The following ARRDC2 variants were observed in gnomAD, a reference collection of about 807,000 sequenced individuals.
ARRDC2 encodes the protein arrestin domain-containing protein 2.
In ARRDC2, 39 loss-of-function variants were observed where a neutral mutation model predicts 38.9. That is an observed-to-expected ratio of 1.00 (90% confidence interval 0.78 to 1.31). The LOEUF is 1.31. Ranked by LOEUF, ARRDC2 falls within the 50% of genes most tolerant of loss-of-function variation. The probability of loss-of-function intolerance (pLI) is 0.00; values close to 1 mark genes in which losing one functional copy is unlikely to be tolerated. For missense variants in ARRDC2, 553 were observed against 588.4 expected (o/e 0.94, Z 0.62); for synonymous variants, 300 against 261.9 (o/e 1.15, Z -1.41).
intron 6 of ARRDC2, 56 bp from the exon 7 acceptor site, chr19:18,010,516 C>A: frequency 1.3e-6 from 2 of 1,592,904 alleles, no homozygotes; most frequent in South Asian, 2.2e-5. Context: ...GGCCCCTGGT[C>A]CCTTGGAGCA....
chr19:18,005,490 T>C (rs1226871671), upstream of ARRDC2, among the ~76,000 whole-genome samples: 3 of 152,228 alleles, frequency 2.0e-5, no homozygotes, highest in Admixed American at 1.3e-4. Context: ...TGGCCCGTTC[T>C]CAATGAGCTG....
At chr19:18,005,772 C>A (rs2145998120), upstream of ARRDC2, among the ~76,000 whole-genome samples, 1 of 151,754 alleles carries the variant, frequency 6.6e-6, no homozygotes, top group East Asian at 2.0e-4. Flanking sequence ...GGGGCTGACC[C>A]CCCACCTCCC....
upstream of ARRDC2, among the ~76,000 whole-genome samples, chr19:18,005,481 G>A (rs1238739684): frequency 2.6e-5 from 4 of 152,230 alleles, no homozygotes; most frequent in African/African-American, 9.6e-5. Flanking sequence ...TTGTCATCAT[G>A]GCCCGTTCTC....
chr19:18,012,108 C>T (rs1168005139), intron 7 of ARRDC2, among the ~76,000 whole-genome samples: 1 of 150,840 alleles, frequency 6.6e-6, no homozygotes, highest in African/African-American at 2.4e-5. Context: ...CAGGCATCCA[C>T]CACCATGCCC....
upstream of ARRDC2, among the ~76,000 whole-genome samples, chr19:18,004,064 T>C (rs948151793): frequency 1.4e-5 from 2 of 147,368 alleles, no homozygotes; most frequent in Non-Finnish European, 3.0e-5. Context: ...TGAGCCACCA[T>C]GCCCGGCCCC....
chr19:18,001,526 A>G (rs1333966370), exon 1 of ARRDC2: 2 of 1,389,388 alleles, frequency 1.4e-6, no homozygotes, highest in South Asian at 1.5e-5. Flanking sequence ...TCCAGCGACT[A>G]CGCGGCCGCG....
chr19:18,010,093 C>T, intron 5 of ARRDC2, 54 bp downstream of exon 5: 1 of 1,605,168 alleles, frequency 6.2e-7, no homozygotes, highest in African/African-American at 1.3e-5. Context: ...CCTGTATTCC[C>T]TCAGACTGGG....
chr19:18,005,673 ACC>A (rs1227495855), upstream of ARRDC2, among the ~76,000 whole-genome samples: 62 of 143,994 alleles, frequency 4.3e-4, no homozygotes, highest in Admixed American at 6.1e-4. Context: ...CAGGGGGCTG[ACC>A]CCCCCACCTC....
At chr19:18,006,778 C>T (rs758480858), upstream of ARRDC2, among the ~76,000 whole-genome samples, 1 of 152,226 alleles carries the variant, frequency 6.6e-6, no homozygotes, top group African/African-American at 2.4e-5. Flanking sequence ...CTTTGGGGTC[C>T]GTCTGCGAAA....
At chr19:18,007,848 T>G (rs2033310276), upstream of ARRDC2, 5 of 207,218 alleles carry the variant, frequency 2.4e-5, no homozygotes, top group South Asian at 6.2e-5. Context: ...GGCTGGTGAG[T>G]GATTAAGCCG....
chr19:18,011,842 C>T (rs933632399), intron 7 of ARRDC2, among the ~76,000 whole-genome samples: 2 of 147,342 alleles, frequency 1.4e-5, no homozygotes, highest in Non-Finnish European at 3.0e-5. Context: ...GTCTGGGAGA[C>T]AAAACAAGAC....
Position 18,009,981 on chromosome 19 carries a change from C to T in ARRDC2, c.791C>T (p.Pro264Leu), listed in dbSNP as rs749791386. ...TGGCAGGGCCGGGCACTGCGGATCC[C>T]CCCAGTGGGTCCTTCCATCCTGCAC... ...ALWQGRALRI[P>L]PVGPSILHCR... The change falls in exon 5 of 8, where the codon CCC becomes CTC. Residue 264 changes from proline (P) to leucine (L), a missense_variant. Physicochemically the swap from Pro to Leu is moderately conservative, Grantham distance 98. Transcript: ENST00000222250. 44 of 1,602,866 alleles carry T rather than the reference C, an allele frequency of 2.7e-5. No homozygotes were observed. The highest frequency in any genetic ancestry group is 3.6e-5 in the Non-Finnish European group (43 of 1,179,734).
upstream of ARRDC2, chr19:18,008,131 G>A (rs867064878): frequency 4.1e-6 from 2 of 488,448 alleles, no homozygotes; most frequent in Non-Finnish European, 5.3e-6. Flanking sequence ...ACCCCCCCCC[G>A]CCCTGCCGTA....
upstream of ARRDC2, among the ~76,000 whole-genome samples, chr19:18,005,940 T>C (rs1163626170): frequency 6.7e-6 from 1 of 148,838 alleles, no homozygotes; most frequent in East Asian, 2.0e-4. Flanking sequence ...GCTCCTCACC[T>C]CCCAGACGGG....
In ARRDC2 at chr19:18,009,100, C is replaced by T; in HGVS notation, c.471C>T (p.Ile157=). The T allele has an allele frequency of 6.2e-7, 1 of 1,613,630 alleles. No individual in the cohort carries two copies. Among genetic ancestry groups the T allele is most frequent in the Non-Finnish European group, 8.5e-7 (1 of 1,179,974 alleles). The change falls in exon 3 of 8, where the codon ATC becomes ATT. Residue 157 remains isoleucine, a synonymous_variant. Transcript: ENST00000222250. ...KVFTVIEPVD[I]NTPALLAPQA... Reference sequence around the variant, plus strand: ...TCACTGTCATCGAGCCTGTGGACATCAACACGCCAGCCCTGCTGGTGAGTG... The same window carrying T: ...TCACTGTCATCGAGCCTGTGGACATTAACACGCCAGCCCTGCTGGTGAGTG...
chr19:18,005,368 G>A (rs1568465469), upstream of ARRDC2, among the ~76,000 whole-genome samples: 1 of 152,050 alleles, frequency 6.6e-6, no homozygotes. Flanking sequence ...AGAACAAAAT[G>A]AAAAGTCTCC....
At chr19:18,012,764 C>T (rs962478741) in intron 7 of ARRDC2, 149 bp from the exon 8 acceptor site, 151 of 759,734 alleles carry the variant, frequency 2.0e-4, no homozygotes, top group Admixed American at 2.8e-4. Flanking sequence ...CCAAAACCCT[C>T]CTTGCACCCC....
chr19:18,010,425 C>T, intron 6 of ARRDC2, 67 bp downstream of exon 6: 1 of 1,572,442 alleles, frequency 6.4e-7, no homozygotes, highest in East Asian at 2.2e-5. Flanking sequence ...GCCGGGTCAA[C>T]TCTCTCACCA....
rs145923101 is a variant in ARRDC2, at chr19:18,010,237, G to A, written c.891G>A (p.Glu297=). 5.9e-5 allele frequency: 95 copies of A among 1,613,512 alleles called. No homozygotes were observed. Among genetic ancestry groups the A allele is most frequent in the Non-Finnish European group, 7.7e-5 (91 of 1,179,960 alleles). The change falls in exon 6 of 8, where the codon GAG becomes GAA. Residue 297 remains glutamate (E), a synonymous_variant. Coordinates refer to ENST00000222250, the MANE Select transcript of ARRDC2 (RefSeq NM_015683.2). ...DIPGTSKLLL[E]LPLVIGTIPL... is the part of the protein sequence containing the mutation. ...CAGGAACGTCCAAGCTGCTGCTGGAGCTGCCACTGGTGATCGGCACCATTC... is the reference window on the plus strand; with the variant it reads ...CAGGAACGTCCAAGCTGCTGCTGGAACTGCCACTGGTGATCGGCACCATTC...
Sources: gnomAD v4.1 joint callset for allele counts (sites outside exome capture counted in the v4.1 genomes callset) on GRCh38, gnomAD v4.1.1 for gene constraint, MANE v1.5 for transcripts, NCBI Gene and HGNC (gene_info 2026-07-23, HGNC 2026-07-21) for gene names.